CCDC88A: variants seen among roughly 807,000 people sequenced by gnomAD.
CCDC88A encodes the protein girdin.
Under a neutral mutation model 234.3 loss-of-function variants are expected in CCDC88A, and 54 were observed. The observed-to-expected ratio is 0.23, with a 90% CI of 0.19 to 0.29. The LOEUF is 0.29. CCDC88A is among the 10% of genes least tolerant of loss of function. The pLI is 1.00. For missense variants in CCDC88A, 1,832 were observed against 2,123.4 expected, an observed-to-expected ratio of 0.86 and a Z score of 2.70; for synonymous variants, 753 against 737.8, an observed-to-expected ratio of 1.02 and a Z score of -0.33.
In CCDC88A at chr2:55,388,824, A is replaced by C. The variant is rs1241306625; in HGVS notation, c.227T>G (p.Met76Arg). 1.9e-6 allele frequency: 3 copies of C among 1,544,448 alleles called. No homozygotes were observed. Among genetic ancestry groups the C allele is most frequent in the Non-Finnish European group, 2.7e-6 (3 of 1,131,372 alleles). Reference sequence around the variant, plus strand: ...TCTCACCAAAATGGATAGATTGTGCATTCTAAGTGAGGCATCATTATTGAC... The same window carrying C: ...TCTCACCAAAATGGATAGATTGTGCCTTCTAAGTGAGGCATCATTATTGAC... The part of the protein sequence containing the change: ...KKVNNDASLR[M>R]HNLSILVRQI... The change falls in exon 3 of 33, where the codon ATG (methionine) becomes AGG (arginine). Residue 76 changes from methionine to arginine, a missense_variant. By Grantham distance (91) the Met-to-Arg change is moderately conservative. Coordinates refer to ENST00000436346, the MANE Select transcript of CCDC88A (RefSeq NM_001365480.1).
intron 25 of CCDC88A, 27 bp from the exon 26 acceptor site, chr2:55,303,179 C>G: frequency 7.2e-7 from 1 of 1,384,606 alleles, no homozygotes; most frequent in Non-Finnish European, 1.0e-6. Context: ...TGAGGAAAAA[C>G]AGAAACAGGG....
At chr2:55,386,162 G>T (rs1178365646) in intron 3 of CCDC88A, among the ~76,000 whole-genome samples, 1 of 151,754 alleles carries the variant, frequency 6.6e-6, no homozygotes, top group African/African-American at 2.4e-5. Flanking sequence ...GCCAGAGGTT[G>T]CAGTGGTCAA....
At chr2:55,402,933 C>A (rs1472123930) in intron 2 of CCDC88A, among the ~76,000 whole-genome samples, 1 of 151,820 alleles carries the variant, frequency 6.6e-6, no homozygotes, top group Middle Eastern at 3.2e-3. Flanking sequence ...GGCGTGAACC[C>A]AGGAGGCAGA....
chr2:55,366,194 T>A (rs1013896359), intron 5 of CCDC88A, among the ~76,000 whole-genome samples: 1 of 152,186 alleles, frequency 6.6e-6, no homozygotes, highest in Admixed American at 6.5e-5. Flanking sequence ...TTATAGTAAC[T>A]GATTACTAAG....
At chr2:55,390,749 A>C (rs1237247034) in intron 2 of CCDC88A, among the ~76,000 whole-genome samples, 2 of 152,226 alleles carry the variant, frequency 1.3e-5, no homozygotes, top group South Asian at 2.1e-4. Flanking sequence ...GCTGGAGTTC[A>C]TGGATGCTAA....
Position 55,332,811 on chromosome 2 carries a change from G to T in CCDC88A, c.2728-118C>A. 2.4e-6 allele frequency: 2 copies of T among 830,226 alleles called. No homozygotes were observed. Among genetic ancestry groups the T allele is most frequent in the Non-Finnish European group, 3.8e-6 (2 of 530,154 alleles). 51.4% of individuals were successfully genotyped at this position (830,226 alleles called of 1,614,324 possible). ...ATACATGTAATTTGAACCAGGAAATGTCATTAAACCATTCCTTCATTATTA... is the reference window on the plus strand; with the variant it reads ...ATACATGTAATTTGAACCAGGAAATTTCATTAAACCATTCCTTCATTATTA... On this transcript the variant is annotated intron_variant, in intron 15 of 32. Transcript: ENST00000436346. The surrounding 1 kb of genome is among the most constrained non-coding windows in gnomAD (Gnocchi z 4.5).
At chr2:55,312,697 T>C (rs1029320284) in intron 22 of CCDC88A, 118 bp from the exon 23 acceptor site, 7 of 714,404 alleles carry the variant, frequency 9.8e-6, no homozygotes, top group Non-Finnish European at 1.4e-5. Flanking sequence ...AATTAGATGA[T>C]TGTACTTTTA....
At chr2:55,355,980 A>C (rs975739146) in intron 7 of CCDC88A, 1 of 322,748 alleles carries the variant, frequency 3.1e-6, no homozygotes, top group South Asian at 9.1e-5. Flanking sequence ...TTCCCTTCCT[A>C]GTTTTTTATT....
chr2:55,363,177 T>C (rs1449673172), intron 6 of CCDC88A, among the ~76,000 whole-genome samples: 1 of 151,978 alleles, frequency 6.6e-6, no homozygotes, highest in Non-Finnish European at 1.5e-5. Flanking sequence ...AGTACTAATA[T>C]GCTTATTGTT....
chr2:55,403,988 T>G (rs1679147260), intron 2 of CCDC88A: 1 of 152,160 alleles, frequency 6.6e-6, no homozygotes, highest in Non-Finnish European at 1.5e-5. Context: ...CTCAAGAAAT[T>G]CCAAAGTGGG....
chr2:55,369,517 T>C (rs370131191), intron 5 of CCDC88A, among the ~76,000 whole-genome samples: 23 of 150,038 alleles, frequency 1.5e-4, no homozygotes, highest in African/African-American at 5.4e-4. Flanking sequence ...AGTGGAGCCA[T>C]CTCAGCTCAC....
chr2:55,389,768 C>T (rs181580612), intron 2 of CCDC88A, among the ~76,000 whole-genome samples: 23 of 152,006 alleles, frequency 1.5e-4, no homozygotes, highest in African/African-American at 4.3e-4. Flanking sequence ...AGGTAGGGCA[C>T]GGTGACTCAC....
intron 12 of CCDC88A, among the ~76,000 whole-genome samples, chr2:55,341,274 A>G (rs1668457769): frequency 6.7e-6 from 1 of 148,748 alleles, no homozygotes; most frequent in Non-Finnish European, 1.5e-5. Flanking sequence ...GCTCCCAAGC[A>G]GCTGGGACTA....
At chr2:55,294,971 C>A in intron 31 of CCDC88A, 1 of 1,195,446 alleles carries the variant, frequency 8.4e-7, no homozygotes. Flanking sequence ...AAAACCTAGC[C>A]AAATGATATT....
intron 26 of CCDC88A, 80 bp downstream of exon 26, chr2:55,302,989 C>A: frequency 1.1e-6 from 1 of 912,514 alleles, no homozygotes; most frequent in East Asian, 2.7e-5. Context: ...TTGGCACAGT[C>A]CAGAGAAAGG....
chr2:55,399,886 A>G (rs1678319753), intron 2 of CCDC88A: 4 of 152,220 alleles, frequency 2.6e-5, no homozygotes, highest in Admixed American at 2.6e-4. Flanking sequence ...CATCCTATAT[A>G]AAGACAGAAA....
chr2:55,290,580 TTTATC>T lies in CCDC88A; in HGVS notation c.*615_*619del, dbSNP rs1450763757. 2.0e-5 allele frequency: 3 copies of T among 152,202 alleles called. No homozygotes were observed. The highest frequency in any genetic ancestry group is 2.9e-5 in the Non-Finnish European group (2 of 67,938). 9.4% of individuals were successfully genotyped at this position (152,202 alleles called of 1,614,324 possible). A position where few individuals can be genotyped will look rare whatever the true frequency, so the allele number is the denominator to read the frequency against. ...CCTATTTCATTATGGATTTTTCAGATTTATCTTATAAACTGAATTTCTTTTGCATC... is the reference window on the plus strand; with the variant it reads ...CCTATTTCATTATGGATTTTTCAGATTTATAAACTGAATTTCTTTTGCATC... On this transcript the variant is annotated 3_prime_UTR_variant, in exon 33 of 33. Coordinates refer to ENST00000436346, the MANE Select transcript of CCDC88A (RefSeq NM_001365480.1).
chr2:55,362,278 T>G (rs1671424282), intron 7 of CCDC88A, 30 bp downstream of exon 7: 1 of 1,523,998 alleles, frequency 6.6e-7, no homozygotes, highest in South Asian at 1.3e-5. Context: ...AAAGCAAACT[T>G]TCACAATATA....
rs760685037 is a variant in CCDC88A, at chr2:55,419,023, G to A, written c.57C>T (p.Val19=). ...TAAAGGACACCCCACTTACCCAAGT[G>A]ACCAAAGGGCTGGTCATGAACTGCT... ...LLEQFMTSPL[V]TWVKTFGPLA... is the part of the protein sequence containing the mutation. Residue 19 remains valine (V), a synonymous_variant, in exon 1 of 33, where the codon GTC becomes GTT. Coordinates refer to ENST00000436346, the MANE Select transcript of CCDC88A (RefSeq NM_001365480.1). 7 of 1,612,758 alleles carry A rather than the reference G, an allele frequency of 4.3e-6. No homozygotes were observed. The highest frequency in any genetic ancestry group is 1.1e-5 in the South Asian group (1 of 91,024).
Sources: allele counts gnomAD v4.1 joint callset (sites outside exome capture counted in the v4.1 genomes callset), GRCh38; gene constraint gnomAD v4.1.1; non-coding constraint Gnocchi (gnomAD v3.1); transcripts MANE v1.5; gene names NCBI Gene and HGNC (gene_info 2026-07-23, HGNC 2026-07-21).